The following ARHGAP15 variants were observed in gnomAD, a reference collection of about 807,000 sequenced individuals.
ARHGAP15 encodes rho GTPase-activating protein 15.
Under a neutral mutation model 63.7 loss-of-function variants are expected in ARHGAP15, and 51 were observed. That is an observed-to-expected ratio of 0.80 (90% CI 0.64 to 1.01). The LOEUF (loss-of-function observed/expected upper bound fraction) is 1.01. Among genes scored for constraint, ARHGAP15 ranks in the 50% least tolerant of loss-of-function variants. ARHGAP15 has a pLI of 0.00. For synonymous variants in ARHGAP15, 191 were observed against 193.8 expected (o/e 0.99, Z 0.12); for missense variants, 560 against 564.6 (o/e 0.99, Z 0.08).
chr2:143,587,521 G>A (rs545598118), intron 11 of ARHGAP15, among the ~76,000 whole-genome samples: 88 of 152,046 alleles, frequency 5.8e-4, no homozygotes, highest in Non-Finnish European at 1.1e-3. Flanking sequence ...CTGTGTTTCG[G>A]TCTTACTTCA....
chr2:143,712,239 G>A (rs917374424), intron 13 of ARHGAP15, among the ~76,000 whole-genome samples: 2 of 152,190 alleles, frequency 1.3e-5, no homozygotes, highest in Admixed American at 1.3e-4. Context: ...GAAGACGAAG[G>A]ATTCCAGGAT....
chr2:143,664,743 C>T (rs200538855), intron 12 of ARHGAP15, among the ~76,000 whole-genome samples: 108 of 147,932 alleles, frequency 7.3e-4, no homozygotes, highest in Admixed American at 1.5e-3. Flanking sequence ...ATATCACCAC[C>T]GATCCCACAG....
intron 11 of ARHGAP15, among the ~76,000 whole-genome samples, chr2:143,615,749 C>T (rs1336799889): frequency 6.6e-6 from 1 of 152,150 alleles, no homozygotes; most frequent in African/African-American, 2.4e-5. Flanking sequence ...TTTAAAGCCA[C>T]TATGAAGCAA....
intron 11 of ARHGAP15, among the ~76,000 whole-genome samples, chr2:143,601,113 T>C (rs1309696930): frequency 1.3e-5 from 2 of 152,166 alleles, no homozygotes; most frequent in African/African-American, 2.4e-5. Flanking sequence ...CTGGTCTTCA[T>C]AGCTTAGAAT....
chr2:143,659,405 T>C (rs1681627317), intron 12 of ARHGAP15, among the ~76,000 whole-genome samples: 1 of 152,198 alleles, frequency 6.6e-6, no homozygotes, highest in Non-Finnish European at 1.5e-5. Context: ...CTTTATTCAT[T>C]AAATTTTTTT....
At chr2:143,398,707 C>A (rs1687873344) in intron 6 of ARHGAP15, among the ~76,000 whole-genome samples, 1 of 151,986 alleles carries the variant, frequency 6.6e-6, no homozygotes, top group Non-Finnish European at 1.5e-5. Context: ...TCTCATTGCA[C>A]TTTCACTTTA....
rs569171509 is a variant in ARHGAP15, at chr2:143,471,977, A to T, written c.704-15396A>T. 3 of 152,326 alleles carry T rather than the reference A, an allele frequency of 2.0e-5. No individual in the cohort carries two copies. In the South Asian group the frequency reaches 6.2e-4, roughly 32 times the overall value. The allele number at this position is 152,326 out of a possible 1,614,324, so 9.4% of individuals were successfully genotyped here. Reference sequence around the variant, plus strand: ...TTACCCCCAACCGTACTCACAGCTCAGTTCCTTGGATCTTTAGATTCTCCC... The same window carrying T: ...TTACCCCCAACCGTACTCACAGCTCTGTTCCTTGGATCTTTAGATTCTCCC... On this transcript the variant is annotated intron_variant, in intron 8 of 13. Transcript: ENST00000295095.
In ARHGAP15 at chr2:143,556,418, T is replaced by A. The variant is rs376974354; in HGVS notation, c.936T>A (p.Val312=). Residue 312 remains valine, a synonymous_variant, in exon 11 of 14, where the codon GTT becomes GTA. Transcript: ENST00000295095. The stretch of plus-strand genomic sequence containing the variant: ...CCCTTTTGTCTTCAGGTCTAGATGT[T>A]GATGGAATATATCGAGTTAGTGGCA... The part of the protein sequence containing the change: ...IEAVEKRGLD[V]DGIYRVSGNL... 2.5e-6 allele frequency: 4 copies of A among 1,611,876 alleles called. No individual in the cohort carries two copies. Among genetic ancestry groups the A allele is most frequent in the Non-Finnish European group, 3.4e-6 (4 of 1,178,628 alleles).
intron 13 of ARHGAP15, among the ~76,000 whole-genome samples, chr2:143,728,706 G>C (rs756657693): frequency 2.0e-5 from 3 of 152,136 alleles, no homozygotes; most frequent in African/African-American, 7.2e-5. Flanking sequence ...CCTGTGTACA[G>C]TAAGTGTTAC....
intron 6 of ARHGAP15, among the ~76,000 whole-genome samples, chr2:143,273,308 AATAC>A (rs1388028366): frequency 6.6e-6 from 1 of 152,178 alleles, no homozygotes; most frequent in Non-Finnish European, 1.5e-5. Context: ...AATAGGAACT[AATAC>A]ATATTTTTGA....
chr2:143,371,214 C>T (rs1686535131), intron 6 of ARHGAP15, among the ~76,000 whole-genome samples: 1 of 152,198 alleles, frequency 6.6e-6, no homozygotes, highest in Non-Finnish European at 1.5e-5. Context: ...AGGTTTGTTA[C>T]ATAGGTATAC....
At chr2:143,349,063 T>C (rs530840282) in intron 6 of ARHGAP15, among the ~76,000 whole-genome samples, 1 of 152,290 alleles carries the variant, frequency 6.6e-6, no homozygotes, top group East Asian at 1.9e-4. Flanking sequence ...ATATAACATG[T>C]CAAAGGACTC....
chr2:143,637,630 A>G (rs555181043), intron 12 of ARHGAP15, among the ~76,000 whole-genome samples: 2 of 152,118 alleles, frequency 1.3e-5, no homozygotes, highest in African/African-American at 4.8e-5. Context: ...ACGTCCTCAA[A>G]TACATTCAAA....
In ARHGAP15 at chr2:143,584,123, G is replaced by A. The variant is rs191572918; in HGVS notation, c.1003+27638G>A. Among the ~76,000 whole-genome samples, 513 of 152,270 alleles carry A rather than the reference G, an allele frequency of 3.4e-3. 5 individuals carry two copies. The highest frequency in any genetic ancestry group is 6.2e-3 in the Non-Finnish European group (421 of 68,010). On this transcript the variant is annotated intron_variant, in intron 11 of 13. Transcript: ENST00000295095. ...CTATTGCAGTTTCACAACACTGAAAGCAAGTGTCTAAAATTACCGAAATAA... is the reference window on the plus strand; with the variant it reads ...CTATTGCAGTTTCACAACACTGAAAACAAGTGTCTAAAATTACCGAAATAA...
At chr2:143,143,545 A>G (rs1689457401) in intron 1 of ARHGAP15, among the ~76,000 whole-genome samples, 1 of 148,584 alleles carries the variant, frequency 6.7e-6, no homozygotes. Context: ...TTTGGTCTTT[A>G]TCAAGGAGAG....
chr2:143,456,946 T>A (rs1168488140), intron 8 of ARHGAP15, among the ~76,000 whole-genome samples: 2 of 151,964 alleles, frequency 1.3e-5, no homozygotes, highest in Admixed American at 6.6e-5. Context: ...AAAGTTGATT[T>A]AGAAATTAAT....
intron 8 of ARHGAP15, among the ~76,000 whole-genome samples, chr2:143,486,905 G>T (rs968164594): frequency 6.6e-6 from 1 of 152,102 alleles, no homozygotes; most frequent in Non-Finnish European, 1.5e-5. Flanking sequence ...AATCACTTCA[G>T]GTTAATATAG....
chr2:143,166,442 G>C (rs766069689), intron 2 of ARHGAP15, among the ~76,000 whole-genome samples: 2 of 152,016 alleles, frequency 1.3e-5, no homozygotes, highest in Non-Finnish European at 2.9e-5. Flanking sequence ...GGCACTAACA[G>C]TATGTCAGAG....
chr2:143,520,249 A>C (rs1694003977), intron 10 of ARHGAP15, among the ~76,000 whole-genome samples: 2 of 152,152 alleles, frequency 1.3e-5, no homozygotes, highest in Admixed American at 6.6e-5. Flanking sequence ...CAAGGGGAAA[A>C]AATCTTTACC....
Sources: gnomAD v4.1 joint callset for allele counts (sites outside exome capture counted in the v4.1 genomes callset) on GRCh38, gnomAD v4.1.1 for gene constraint, MANE v1.5 for transcripts, NCBI Gene and HGNC (gene_info 2026-07-23, HGNC 2026-07-21) for gene names.